ITPRID2: variants seen among roughly 807,000 people sequenced by gnomAD.
ITPRID2 encodes protein ITPRID2.
In ITPRID2, 60 loss-of-function variants were observed where a neutral mutation model predicts 124.3. The observed-to-expected ratio is 0.48, with a 90% confidence interval of 0.39 to 0.60. The LOEUF (loss-of-function observed/expected upper bound fraction) is 0.60. Ranked by LOEUF, ITPRID2 falls within the 20% of genes least tolerant of loss-of-function variation. The pLI is 0.00. For synonymous variants in ITPRID2, 521 were observed against 542.9 expected (o/e 0.96, Z 0.56); for missense variants, 1,553 against 1,512.2 (o/e 1.03, Z -0.45).
intron 17 of ITPRID2, 110 bp from the exon 18 acceptor site, chr2:181,929,451 C>A: frequency 1.6e-6 from 1 of 624,308 alleles, no homozygotes; most frequent in Non-Finnish European, 2.7e-6. Context: ...ACAGGATAAT[C>A]ATGTTTCTGT....
At chr2:181,909,551 A>G (rs914816206) in intron 8 of ITPRID2, among the ~76,000 whole-genome samples, 1 of 152,204 alleles carries the variant, frequency 6.6e-6, no homozygotes, top group Non-Finnish European at 1.5e-5. Flanking sequence ...TTGAAAACCC[A>G]TATGTTGGGC....
intron 16 of ITPRID2, among the ~76,000 whole-genome samples, chr2:181,925,039 T>C (rs1312843032): frequency 6.6e-6 from 1 of 152,196 alleles, no homozygotes; most frequent in Non-Finnish European, 1.5e-5. Context: ...ATAGATTGCT[T>C]TGTGTTTAGA....
intron 11 of ITPRID2, chr2:181,917,139 T>C: frequency 9.0e-6 from 3 of 333,108 alleles, no homozygotes; most frequent in Non-Finnish European, 1.3e-5. Context: ...CAGTTTTGCC[T>C]TTTACATTTT....
At position 181,925,680 on chromosome 2, in the gene ITPRID2, G is replaced by A. The variant is rs565773294; in HGVS notation, c.3676-2481G>A. ...CTGATAAATGAGACCTGACCTGCTC[G>A]CTGAAGGAGCTCACAGTACACCTTC... On this transcript the variant is annotated intron_variant, in intron 16 of 17. Coordinates refer to ENST00000431877, the MANE Select transcript of ITPRID2 (RefSeq NM_001130445.3). Among the ~76,000 whole-genome samples, 3 of 152,210 alleles carry A rather than the reference G, an allele frequency of 2.0e-5. No homozygotes were observed. The South Asian group carries it at 6.2e-4, about 32-fold the overall frequency.
rs563672593 is a variant in ITPRID2, at chr2:181,923,529, CA to C, written c.3675+1118del. On this transcript the variant is annotated intron_variant, in intron 16 of 17. Coordinates refer to ENST00000431877, the MANE Select transcript of ITPRID2 (RefSeq NM_001130445.3). ...TTGGCTGCCTAATGTTTAGCAAACT[CA>C]GCATTCACCCTACTCGGTCAGGTGT... 1.3e-3 allele frequency among the ~76,000 whole-genome samples: 197 copies of C among 152,258 alleles called. 1 individual carries two copies. The highest frequency in any genetic ancestry group is 3.0e-3 in the Admixed American group (46 of 15,300).
intron 4 of ITPRID2, among the ~76,000 whole-genome samples, 179 bp downstream of exon 4, chr2:181,897,143 T>C (rs1054849545): frequency 1.3e-5 from 2 of 151,992 alleles, no homozygotes; most frequent in African/African-American, 4.8e-5. Context: ...GTAGGATACA[T>C]GTAGGGATGA....
rs1692194657 is a variant in ITPRID2, at chr2:181,896,297, C to G, written c.307+218C>G. Among the ~76,000 whole-genome samples, 1 of 151,938 alleles carries G rather than the reference C, an allele frequency of 6.6e-6. No individual in the cohort carries two copies. The highest frequency in any genetic ancestry group is 2.4e-5 in the African/African-American group (1 of 41,416). On this transcript the variant is annotated intron_variant, in intron 3 of 17. Transcript: ENST00000431877. This position sits in a 1 kb window ranked among gnomAD's most constrained non-coding sequence, Gnocchi z 4.3. Reference sequence around the variant, plus strand: ...CCTTTTCACAACGTGAAACTTATATCTTTATTGTCCAGTTAGGTATTATAA... The same window carrying G: ...CCTTTTCACAACGTGAAACTTATATGTTTATTGTCCAGTTAGGTATTATAA...
At position 181,896,632 on chromosome 2, in the gene ITPRID2, T is replaced by G. The variant is rs1692225399; in HGVS notation, c.308-276T>G. Reference sequence around the variant, plus strand: ...TTTCCATGAAACTCTTGGTATGTAGTCTGATTGAACATCTTCAAAAATATA... The same window carrying G: ...TTTCCATGAAACTCTTGGTATGTAGGCTGATTGAACATCTTCAAAAATATA... On this transcript the variant is annotated intron_variant, in intron 3 of 17. Coordinates refer to ENST00000431877, the MANE Select transcript of ITPRID2 (RefSeq NM_001130445.3). The surrounding 1 kb of genome is among the most constrained non-coding windows in gnomAD (Gnocchi z 4.3). 6.6e-6 allele frequency among the ~76,000 whole-genome samples: 1 copy of G among 152,006 alleles called. No homozygotes were observed. Among genetic ancestry groups the G allele is most frequent in the Non-Finnish European group, 1.5e-5 (1 of 67,866 alleles).
chr2:181,898,943 T>A (rs772567484), intron 5 of ITPRID2, 24 bp downstream of exon 5: 3 of 1,605,868 alleles, frequency 1.9e-6, no homozygotes, highest in Admixed American at 3.4e-5. Context: ...TTGTTCTATT[T>A]CTTTTAAAAA....
chr2:181,927,622 A>T (rs1359742870), intron 16 of ITPRID2, among the ~76,000 whole-genome samples: 1 of 152,218 alleles, frequency 6.6e-6, no homozygotes, highest in Non-Finnish European at 1.5e-5. Flanking sequence ...TTTTTATATT[A>T]TAAAATAAAT....
intron 2 of ITPRID2, among the ~76,000 whole-genome samples, chr2:181,895,459 A>G (rs756429653): frequency 4.7e-4 from 71 of 152,186 alleles, no homozygotes; most frequent in Non-Finnish European, 3.1e-4. Context: ...TTAAAAACAA[A>G]GCGAATCTCA....
Position 181,915,680 on chromosome 2 carries a change from T to C in ITPRID2, c.2040T>C (p.Asn680=). 1 of 1,614,152 alleles carries C rather than the reference T, an allele frequency of 6.2e-7. No individual in the cohort carries two copies. The highest frequency in any genetic ancestry group is 8.5e-7 in the Non-Finnish European group (1 of 1,180,034). Residue 680 remains asparagine, a synonymous_variant, in exon 11 of 18, where the codon AAT becomes AAC. Coordinates refer to ENST00000431877, the MANE Select transcript of ITPRID2 (RefSeq NM_001130445.3). The stretch of plus-strand genomic sequence containing the variant: ...AATGCAGTGATATGAGCTCTGAAAA[T>C]ACAACTGGGCCTCCCTCTTCCATGG... ...EAKCSDMSSE[N]TTGPPSSMDR...
In ITPRID2 at chr2:181,905,350, A is replaced by G. The variant is rs1229285957; in HGVS notation, c.1413+2884A>G. Among the ~76,000 whole-genome samples the G allele has an allele frequency of 2.0e-5, 3 of 152,130 alleles. No homozygotes were observed. Among genetic ancestry groups the G allele is most frequent in the African/African-American group, 7.2e-5 (3 of 41,440 alleles). On this transcript the variant is annotated intron_variant, in intron 8 of 17. Coordinates refer to ENST00000431877, the MANE Select transcript of ITPRID2 (RefSeq NM_001130445.3). The surrounding 1 kb of genome is among the most constrained non-coding windows in gnomAD (Gnocchi z 4.1). ...AGGTGTGAGCCACCACACCCAGCCTATAACTATTTATAAAAAGTTATTAAA... is the reference window on the plus strand; with the variant it reads ...AGGTGTGAGCCACCACACCCAGCCTGTAACTATTTATAAAAAGTTATTAAA...
intron 4 of ITPRID2, 113 bp from the exon 5 acceptor site, chr2:181,898,767 A>G (rs1692418761): frequency 3.8e-6 from 3 of 796,504 alleles, no homozygotes; most frequent in South Asian, 1.6e-5. Context: ...AGTGTTTAAT[A>G]TATTTGGCAT....
rs750465791 is a variant in ITPRID2 at position 181,902,660 on chromosome 2, C to T, written c.1413+194C>T. ...GTGATGTCGAGGTAATGGGACAGTTCAGTAACTCCTCCAGATCTTTATCCA... is the reference window on the plus strand; with the variant it reads ...GTGATGTCGAGGTAATGGGACAGTTTAGTAACTCCTCCAGATCTTTATCCA... On this transcript the variant is annotated intron_variant, in intron 8 of 17. Transcript: ENST00000431877. The surrounding 1 kb of genome is among the most constrained non-coding windows in gnomAD (Gnocchi z 4.4). 3.9e-4 allele frequency among the ~76,000 whole-genome samples: 60 copies of T among 152,200 alleles called. 1 individual carries two copies. Among genetic ancestry groups the T allele is most frequent in the Non-Finnish European group, 6.6e-4 (45 of 68,028 alleles).
chr2:181,908,946 CAG>C (rs1469656990), intron 8 of ITPRID2, among the ~76,000 whole-genome samples: 2 of 151,934 alleles, frequency 1.3e-5, no homozygotes, highest in African/African-American at 2.4e-5. Context: ...CCAATCATTA[CAG>C]AGTAAAGTGA....
Position 181,902,822 on chromosome 2 carries a change from C to G in ITPRID2, c.1413+356C>G, listed in dbSNP as rs1263174284. Reference sequence around the variant, plus strand: ...TAGAAACACAGGCTTTGAAATCAAACAGGGCTTTGAGTTTTGTCTGCCACT... The same window carrying G: ...TAGAAACACAGGCTTTGAAATCAAAGAGGGCTTTGAGTTTTGTCTGCCACT... On this transcript the variant is annotated intron_variant, in intron 8 of 17. Coordinates refer to ENST00000431877, the MANE Select transcript of ITPRID2 (RefSeq NM_001130445.3). This position sits in a 1 kb window ranked among gnomAD's most constrained non-coding sequence, Gnocchi z 4.4. Among the ~76,000 whole-genome samples, 1 of 152,180 alleles carries G rather than the reference C, an allele frequency of 6.6e-6. No individual in the cohort carries two copies.
chr2:181,906,285 G>C (rs1218206215), intron 8 of ITPRID2, among the ~76,000 whole-genome samples: 2 of 152,140 alleles, frequency 1.3e-5, no homozygotes, highest in Non-Finnish European at 2.9e-5. Flanking sequence ...GTGCTTCACA[G>C]GGGGAAGGAG....
In ITPRID2 at chr2:181,910,674, T is replaced by A. The variant is rs1317728237; in HGVS notation, c.1486+703T>A. 2 of 651,428 alleles carry A rather than the reference T, an allele frequency of 3.1e-6. No individual in the cohort carries two copies. The highest frequency in any genetic ancestry group is 1.8e-5 in the South Asian group (1 of 54,656). The allele number at this position is 651,428 out of a possible 1,614,324, so 40.4% of individuals were successfully genotyped here. ...AAACTTTACACATGCTGAACCACCC[T>A]GTTTTTTTTTTAAACAAAGATTCGT... On this transcript the variant is annotated intron_variant, in intron 9 of 17. Transcript: ENST00000431877. The surrounding 1 kb of genome is among the most constrained non-coding windows in gnomAD (Gnocchi z 4.1).
Sources: gnomAD v4.1 joint callset for allele counts (sites outside exome capture counted in the v4.1 genomes callset) on GRCh38, gnomAD v4.1.1 for gene constraint, Gnocchi (gnomAD v3.1) non-coding constraint, MANE v1.5 for transcripts, NCBI Gene and HGNC (gene_info 2026-07-23, HGNC 2026-07-21) for gene names.